The following NEBL variants were observed in gnomAD, a reference collection of about 807,000 sequenced individuals.
NEBL encodes the protein nebulette.
NEBL carries 122 observed loss-of-function variants against 140.2 expected under a neutral mutation model. That is an observed-to-expected ratio of 0.87 (90% CI 0.75 to 1.01). The LOEUF (loss-of-function observed/expected upper bound fraction) is 1.01, where lower values mean the gene tolerates loss of function less well. Among genes scored for constraint, NEBL ranks in the 50% least tolerant of loss-of-function variants. NEBL has a pLI of 0.00. For synonymous variants in NEBL, 436 were observed against 398.9 expected (o/e 1.09, Z -1.11); for missense variants, 1,365 against 1,231.3 (o/e 1.11, Z -1.62).
intron 3 of NEBL, among the ~76,000 whole-genome samples, chr10:21,225,485 C>T (rs1842132826): frequency 6.6e-6 from 1 of 152,150 alleles, no homozygotes; most frequent in Non-Finnish European, 1.5e-5. Flanking sequence ...GCAAGTTCCC[C>T]CAACCCCAGG....
chr10:21,134,749 C>G (rs774313247), intron 2 of NEBL, among the ~76,000 whole-genome samples: 1 of 152,164 alleles, frequency 6.6e-6, no homozygotes, highest in Non-Finnish European at 1.5e-5. Context: ...GATGGGGAAA[C>G]CTTCTGGGAT....
intron 7 of NEBL, chr10:20,868,055 A>G (rs1396864836): frequency 6.0e-5 from 9 of 150,910 alleles, no homozygotes; most frequent in East Asian, 3.9e-4. Flanking sequence ...TCTATATTAA[A>G]AAAAAAAAAA....
intron 22 of NEBL, 93 bp from the exon 23 acceptor site, chr10:20,814,136 A>G: frequency 1.2e-6 from 1 of 807,488 alleles, no homozygotes. Context: ...TATGCAACAT[A>G]CTTGAAATTA....
At chr10:21,181,312 G>A (rs538693884) in intron 3 of NEBL, among the ~76,000 whole-genome samples, 18 of 150,580 alleles carry the variant, frequency 1.2e-4, no homozygotes, top group African/African-American at 3.9e-4. Flanking sequence ...TTCTGCGCAC[G>A]TATCCCGGAG....
intron 2 of NEBL, among the ~76,000 whole-genome samples, chr10:21,068,353 C>T (rs896904554): frequency 6.6e-6 from 1 of 152,276 alleles, no homozygotes; most frequent in East Asian, 1.9e-4. Context: ...TACACCAGTC[C>T]TTTTGGTTTG....
At chr10:20,853,319 C>G (rs550165274) in intron 9 of NEBL, among the ~76,000 whole-genome samples, 1 of 152,014 alleles carries the variant, frequency 6.6e-6, no homozygotes. Context: ...TGGAAGACAC[C>G]AAATTGAACA....
At chr10:20,868,172 A>T (rs1355157465) in intron 7 of NEBL, 1 of 152,902 alleles carries the variant, frequency 6.5e-6, no homozygotes, top group Non-Finnish European at 1.5e-5. Context: ...ATGCCTTTAT[A>T]CTTTTTCAGA....
rs961763467 is a variant in NEBL, at chr10:20,868,547, C to T, written c.684+117G>A. 15 of 837,886 alleles carry T rather than the reference C, an allele frequency of 1.8e-5. No individual in the cohort carries two copies. In the African/African-American group the frequency reaches 2.0e-4, roughly 11 times the overall value. 51.9% of individuals were successfully genotyped at this position (837,886 alleles called of 1,614,324 possible). A position where few individuals can be genotyped will look rare whatever the true frequency, so the allele number is the denominator to read the frequency against. On this transcript the variant is annotated intron_variant, in intron 7 of 27. Transcript: ENST00000377122. ...AGCCCATCTGAACTGGGTTCAGAAA[C>T]ATTATCTCTGTTTATTCTTGCAATT...
intron 3 of NEBL, among the ~76,000 whole-genome samples, chr10:20,981,138 A>C (rs924038088): frequency 1.3e-5 from 2 of 152,120 alleles, no homozygotes; most frequent in African/African-American, 2.4e-5. Flanking sequence ...CCACTTAAAC[A>C]CACAGGTTAA....
chr10:21,191,555 G>A (rs764947052), intron 3 of NEBL, among the ~76,000 whole-genome samples: 4 of 152,118 alleles, frequency 2.6e-5, no homozygotes, highest in Non-Finnish European at 5.9e-5. Flanking sequence ...ATGTCCTATC[G>A]TATTGCCAGG....
intron 2 of NEBL, among the ~76,000 whole-genome samples, chr10:21,027,665 G>A (rs1046324346): frequency 3.3e-5 from 5 of 152,072 alleles, no homozygotes; most frequent in Admixed American, 6.6e-5. Flanking sequence ...CAAAAGTTGT[G>A]ACTTCACATC....
In NEBL at chr10:21,116,337, G is replaced by T. The variant is rs904500752; in HGVS notation, c.164+56046C>A. On this transcript the variant is annotated intron_variant, in intron 2 of 6. Transcript: ENST00000417816. ...TTTGCACATTGCTCCTTCTCACTGT[G>T]TTCTCACACGGTACACGCAAAAAAG... 1.2e-4 allele frequency among the ~76,000 whole-genome samples: 18 copies of T among 152,050 alleles called. No homozygotes were observed. The South Asian group carries it at 1.9e-3, about 16-fold the overall frequency.
At chr10:21,135,245 A>C (rs1334305040) in intron 2 of NEBL, among the ~76,000 whole-genome samples, 1 of 152,214 alleles carries the variant, frequency 6.6e-6, no homozygotes, top group Non-Finnish European at 1.5e-5. Flanking sequence ...AATATAGTAC[A>C]ATCTCTCTAG....
In NEBL at chr10:21,128,905, CTAAG is replaced by C. The variant is rs548356425; in HGVS notation, c.164+43474_164+43477del. On this transcript the variant is annotated intron_variant, in intron 2 of 6. Transcript: ENST00000417816. Reference sequence around the variant, plus strand: ...TACAGGGTTTAAGGCTGTCAGTGGGCTAAGTAAGAGCCGAATATCATATAAGCCA... The same window carrying C: ...TACAGGGTTTAAGGCTGTCAGTGGGCTAAGAGCCGAATATCATATAAGCCA... Among the ~76,000 whole-genome samples the C allele has an allele frequency of 2.2e-4, 34 of 152,160 alleles. 1 individual carries two copies. The South Asian group carries it at 3.1e-3, about 14-fold the overall frequency.
chr10:21,267,473 T>A (rs1194551214), intron 1 of NEBL, among the ~76,000 whole-genome samples: 1 of 152,210 alleles, frequency 6.6e-6, no homozygotes, highest in Non-Finnish European at 1.5e-5. Flanking sequence ...CAGAAGCACT[T>A]TCTTCCCACC....
intron 3 of NEBL, among the ~76,000 whole-genome samples, chr10:21,219,026 T>C (rs926968128): frequency 6.6e-6 from 1 of 152,228 alleles, no homozygotes; most frequent in African/African-American, 2.4e-5. Flanking sequence ...ATGCTTCCTA[T>C]TTGATTCTCA....
intron 19 of NEBL, among the ~76,000 whole-genome samples, chr10:20,822,357 C>CTATA (rs1839407326): frequency 6.6e-6 from 1 of 151,356 alleles, no homozygotes; most frequent in Non-Finnish European, 1.5e-5. Context: ...ATCTATCTAT[C>CTATA]TATAGGTCTA....
intron 2 of NEBL, among the ~76,000 whole-genome samples, chr10:21,108,890 C>T (rs540812340): frequency 6.5e-4 from 99 of 152,008 alleles, no homozygotes; most frequent in African/African-American, 2.3e-3. Flanking sequence ...CTTGGTGAAT[C>T]GATCCCTTTA....
At chr10:21,089,156 T>G (rs515249) in intron 2 of NEBL, among the ~76,000 whole-genome samples, 35,133 of 151,860 alleles carry the variant, frequency 0.23, 4,328 homozygotes, top group East Asian at 0.35. Flanking sequence ...ATTTGAGTTT[T>G]CTGCTTGAGC....
Sources: gnomAD v4.1 joint callset for allele counts (sites outside exome capture counted in the v4.1 genomes callset) on GRCh38, gnomAD v4.1.1 for gene constraint, MANE v1.5 for transcripts, NCBI Gene and HGNC (gene_info 2026-07-23, HGNC 2026-07-21) for gene names.